The following THEM4 variants were observed in gnomAD, a reference collection of about 807,000 sequenced individuals.
The protein encoded by THEM4 is acyl-coenzyme A thioesterase THEM4.
THEM4 carries 22 observed loss-of-function variants against 25.0 expected under a neutral mutation model. That is an observed-to-expected ratio of 0.88 (90% CI 0.63 to 1.26). The LOEUF (loss-of-function observed/expected upper bound fraction) is 1.26, where lower values mean the gene tolerates loss of function less well. Among genes scored for constraint, THEM4 ranks in the 50% most tolerant of loss-of-function variants. The pLI, the probability that THEM4 is intolerant of heterozygous loss-of-function variation, is 0.00. For synonymous variants in THEM4, 113 were observed against 105.6 expected (o/e 1.07, Z -0.43); for missense variants, 286 against 300.3 (o/e 0.95, Z 0.35).
At chr1:151,875,702 T>G (rs769498022) in intron 5 of THEM4, among the ~76,000 whole-genome samples, 22 of 151,914 alleles carry the variant, frequency 1.4e-4, no homozygotes, top group Non-Finnish European at 2.9e-4. Flanking sequence ...GAAATGCAAA[T>G]CAAGATCACA....
Position 151,874,823 on chromosome 1 carries a change from A to G in THEM4, c.*65T>C. ...CAGGGATTCAGCAGTGAGGGAGCAG[A>G]GTATTTGGGGGACAACTGCTTCTTC... is the stretch of plus-strand genomic sequence containing the variant. On this transcript the variant is annotated 3_prime_UTR_variant, in exon 6 of 6. Coordinates refer to ENST00000368814, the MANE Select transcript of THEM4 (RefSeq NM_053055.5). 1 of 1,462,576 alleles carries G rather than the reference A, an allele frequency of 6.8e-7. No individual in the cohort carries two copies. The highest frequency in any genetic ancestry group is 2.3e-5 in the East Asian group (1 of 44,206). 90.6% of individuals were successfully genotyped at this position (1,462,576 alleles called of 1,614,324 possible). A position where few individuals can be genotyped will look rare whatever the true frequency, so the allele number is the denominator to read the frequency against.
At position 151,909,426 on chromosome 1, in the gene THEM4, C is replaced by A; in HGVS notation, c.33G>T (p.Thr11=). MLRSCAARLR[T]LGALCLPPVG... Reference sequence around the variant, plus strand: ...CTGGCGGCAGGCACAGAGCCCCCAGCGTGCGGAGGCGCGCGGCGCAGCTCC... The same window carrying A: ...CTGGCGGCAGGCACAGAGCCCCCAGAGTGCGGAGGCGCGCGGCGCAGCTCC... Residue 11 remains threonine (T), a synonymous_variant, in exon 1 of 6, where the codon ACG becomes ACT. Transcript: ENST00000368814. 1 of 1,471,330 alleles carries A rather than the reference C, an allele frequency of 6.8e-7. No homozygotes were observed. The highest frequency in any genetic ancestry group is 2.5e-5 in the Admixed American group (1 of 40,682). 91.1% of individuals were successfully genotyped at this position (1,471,330 alleles called of 1,614,324 possible).
At chr1:151,895,988 CTTTTTTTTTTT>C (rs1176553580) in intron 1 of THEM4, among the ~76,000 whole-genome samples, 3 of 119,220 alleles carry the variant, frequency 2.5e-5, no homozygotes, top group Admixed American at 8.9e-5. Context: ...TTCTTGCTTC[CTTTTTTTTTTT>C]TTTTTTTTTT....
intron 2 of THEM4, chr1:151,890,125 T>C (rs1016668980): frequency 5.4e-5 from 24 of 441,356 alleles, no homozygotes; most frequent in Non-Finnish European, 5.5e-5. Flanking sequence ...AGGCTGGTCT[T>C]GAACTCCCGA....
rs147945350 is a variant in THEM4 at position 151,897,514 on chromosome 1, A to T, written c.100-2320T>A. 1.0e-3 allele frequency among the ~76,000 whole-genome samples: 157 copies of T among 152,306 alleles called. 1 individual carries two copies. The East Asian group carries it at 0.021, about 21-fold the overall frequency. On this transcript the variant is annotated intron_variant, in intron 1 of 5. Coordinates refer to ENST00000368814, the MANE Select transcript of THEM4 (RefSeq NM_053055.5). Reference sequence around the variant, plus strand: ...CTCTGACTGGCTCTCCTTGCTCCTCAGCTTGCAGACAGCCTATTGTGGGAC... The same window carrying T: ...CTCTGACTGGCTCTCCTTGCTCCTCTGCTTGCAGACAGCCTATTGTGGGAC...
intron 5 of THEM4, among the ~76,000 whole-genome samples, chr1:151,875,284 A>G (rs903723814): frequency 2.0e-5 from 3 of 152,194 alleles, no homozygotes; most frequent in African/African-American, 7.2e-5. Flanking sequence ...GAGTTCTTAA[A>G]TTGACTGTGG....
At position 151,898,836 on chromosome 1, in the gene THEM4, C is replaced by T. The variant is rs546644433; in HGVS notation, c.100-3642G>A. On this transcript the variant is annotated intron_variant, in intron 1 of 5. Transcript: ENST00000368814. Reference sequence around the variant, plus strand: ...GTGGCTAGACCCAGAAGAGAGAAAACAATCACTGTAGTTCAGCTCACAGGA... The same window carrying T: ...GTGGCTAGACCCAGAAGAGAGAAAATAATCACTGTAGTTCAGCTCACAGGA... 7.2e-5 allele frequency among the ~76,000 whole-genome samples: 11 copies of T among 152,344 alleles called. No homozygotes were observed. In the South Asian group the frequency reaches 2.3e-3, roughly 32 times the overall value.
At chr1:151,905,089 C>T (rs1654427890) in intron 1 of THEM4, among the ~76,000 whole-genome samples, 1 of 117,378 alleles carries the variant, frequency 8.5e-6, no homozygotes, top group African/African-American at 3.1e-5. Flanking sequence ...GAGGAAAGGT[C>T]TTGCTTGAGC....
At chr1:151,904,438 GA>G (rs1209073768) in intron 1 of THEM4, among the ~76,000 whole-genome samples, 1 of 152,172 alleles carries the variant, frequency 6.6e-6, no homozygotes, top group African/African-American at 2.4e-5. Flanking sequence ...TATTACATAG[GA>G]TTAAGTTAAC....
chr1:151,876,959 A>G, intron 5 of THEM4, 42 bp downstream of exon 5: 1 of 1,558,952 alleles, frequency 6.4e-7, no homozygotes, highest in South Asian at 1.2e-5. Flanking sequence ...TCCCAACCCA[A>G]CCCAACTAAA....
chr1:151,907,120 C>G (rs1299548655), intron 1 of THEM4, among the ~76,000 whole-genome samples: 1 of 151,794 alleles, frequency 6.6e-6, no homozygotes, highest in African/African-American at 2.4e-5. Flanking sequence ...CTGAAGCCAA[C>G]GAGACCACAA....
chr1:151,894,728 TG>T, intron 2 of THEM4: 1 of 571,398 alleles, frequency 1.8e-6, no homozygotes, highest in South Asian at 2.3e-5. Flanking sequence ...GGAGAGGTGA[TG>T]AGGTTGTAGG....
chr1:151,877,412 G>A (rs1476214629), intron 4 of THEM4, among the ~76,000 whole-genome samples: 2 of 152,238 alleles, frequency 1.3e-5, no homozygotes, highest in Admixed American at 6.5e-5. Flanking sequence ...TGTGATGGCA[G>A]AGACTATCCC....
intron 4 of THEM4, among the ~76,000 whole-genome samples, chr1:151,878,260 G>C (rs1653731480): frequency 6.6e-6 from 1 of 152,080 alleles, no homozygotes; most frequent in Non-Finnish European, 1.5e-5. Context: ...GCCCATGTAG[G>C]TTGACTGGCA....
intron 1 of THEM4, among the ~76,000 whole-genome samples, chr1:151,908,045 C>A (rs1395770106): frequency 2.0e-5 from 3 of 152,234 alleles, no homozygotes; most frequent in Non-Finnish European, 4.4e-5. Flanking sequence ...TGTCCCACAG[C>A]AATTAAGCTC....
chr1:151,876,931 C>A, intron 5 of THEM4, 70 bp downstream of exon 5: 1 of 1,523,742 alleles, frequency 6.6e-7, no homozygotes, highest in Non-Finnish European at 8.8e-7. Context: ...ATCAACCAAC[C>A]AACCAACCAA....
chr1:151,879,594 C>T (rs1250866817), intron 4 of THEM4, among the ~76,000 whole-genome samples: 3 of 151,024 alleles, frequency 2.0e-5, no homozygotes, highest in African/African-American at 7.3e-5. Context: ...CTATGTTTGT[C>T]TAATAAACCA....
At chr1:151,898,031 G>A (rs1231642420) in intron 1 of THEM4, among the ~76,000 whole-genome samples, 1 of 152,210 alleles carries the variant, frequency 6.6e-6, no homozygotes, top group African/African-American at 2.4e-5. Flanking sequence ...AAATTCCACA[G>A]GGAGAAGAAA....
chr1:151,897,289 G>A (rs754838630), intron 1 of THEM4, among the ~76,000 whole-genome samples: 1 of 152,208 alleles, frequency 6.6e-6, no homozygotes, highest in Non-Finnish European at 1.5e-5. Flanking sequence ...CCAAAACGGG[G>A]AGGTCACAGT....
Sources: gnomAD v4.1 joint callset for allele counts (sites outside exome capture counted in the v4.1 genomes callset) on GRCh38, gnomAD v4.1.1 for gene constraint, MANE v1.5 for transcripts, NCBI Gene and HGNC (gene_info 2026-07-23, HGNC 2026-07-21) for gene names.